The following ALOX5 variants were observed in gnomAD, a reference collection of about 807,000 sequenced individuals.
ALOX5 encodes polyunsaturated fatty acid 5-lipoxygenase.
In ALOX5, 64 loss-of-function variants were observed where a neutral mutation model predicts 87.9. That is an observed-to-expected ratio of 0.73 (90% CI 0.60 to 0.90). The LOEUF (loss-of-function observed/expected upper bound fraction) is 0.90, where lower values mean the gene tolerates loss of function less well. ALOX5 is among the 40% of genes least tolerant of loss of function. ALOX5 has a pLI of 0.00. For missense variants in ALOX5, 822 were observed against 907.5 expected, an observed-to-expected ratio of 0.91 and a Z score of 1.21; for synonymous variants, 388 against 355.1, an observed-to-expected ratio of 1.09 and a Z score of -1.04.
intron 3 of ALOX5, among the ~76,000 whole-genome samples, chr10:45,397,599 T>C (rs977658025): frequency 6.6e-6 from 1 of 152,102 alleles, no homozygotes; most frequent in African/African-American, 2.4e-5. Flanking sequence ...TGATCTTATA[T>C]ATAGAAAATC....
intron 7 of ALOX5, among the ~76,000 whole-genome samples, chr10:45,434,517 T>C (rs12783037): frequency 0.049 from 7,458 of 152,302 alleles, 327 homozygotes; most frequent in African/African-American, 0.12. Context: ...TTGGTTCCCT[T>C]CCAGCTGACC....
chr10:45,388,761 T>C (rs553885069), intron 2 of ALOX5, among the ~76,000 whole-genome samples: 1 of 152,334 alleles, frequency 6.6e-6, no homozygotes, highest in Admixed American at 6.5e-5. Context: ...GCAGAAAAGC[T>C]GAACATTCTA....
chr10:45,424,108 T>C lies in ALOX5; in HGVS notation c.622T>C (p.Phe208Leu). ...GTCTTCTTGGAATGACTTCGCCGACTTTGAGAAAATCTTTGTCAAGATCAG... is the reference window on the plus strand; with the variant it reads ...GTCTTCTTGGAATGACTTCGCCGACCTTGAGAAAATCTTTGTCAAGATCAG... The part of the protein sequence containing the change: ...FQSSWNDFAD[F>L]EKIFVKISNT... The change falls in exon 5 of 14, where the codon TTT becomes CTT. Residue 208 changes from phenylalanine to leucine, a missense_variant. Transcript: ENST00000374391. The C allele has an allele frequency of 6.2e-7, 1 of 1,614,218 alleles. No individual in the cohort carries two copies. Among genetic ancestry groups the C allele is most frequent in the Non-Finnish European group, 8.5e-7 (1 of 1,180,026 alleles).
intron 8 of ALOX5, among the ~76,000 whole-genome samples, 155 bp downstream of exon 8, chr10:45,440,788 G>C (rs1487608040): frequency 6.6e-6 from 1 of 152,218 alleles, no homozygotes; most frequent in East Asian, 1.9e-4. Context: ...TGCCCCTAAA[G>C]GAAGAAAACA....
chr10:45,420,605 A>G (rs186044491), intron 4 of ALOX5, among the ~76,000 whole-genome samples: 1 of 152,358 alleles, frequency 6.6e-6, no homozygotes, highest in African/African-American at 2.4e-5. Context: ...GAAGTCACCG[A>G]GGAGGCCTTC....
chr10:45,382,997 G>C (rs997094890), intron 2 of ALOX5, among the ~76,000 whole-genome samples: 1 of 152,234 alleles, frequency 6.6e-6, no homozygotes, highest in African/African-American at 2.4e-5. Flanking sequence ...GATACCTATG[G>C]GACATGCCCC....
At chr10:45,438,872 C>T (rs1324419977) in intron 7 of ALOX5, among the ~76,000 whole-genome samples, 1 of 152,212 alleles carries the variant, frequency 6.6e-6, no homozygotes, top group East Asian at 1.9e-4. Context: ...TCACACTCTG[C>T]TCTCCCTCCT....
chr10:45,402,177 T>G (rs1296225532), intron 3 of ALOX5, among the ~76,000 whole-genome samples: 1 of 151,302 alleles, frequency 6.6e-6, no homozygotes, highest in African/African-American at 2.4e-5. Flanking sequence ...CTGAGCAATA[T>G]CTTCATTTTT....
intron 1 of ALOX5, among the ~76,000 whole-genome samples, chr10:45,377,901 T>C (rs1369418707): frequency 2.0e-5 from 3 of 152,150 alleles, no homozygotes; most frequent in African/African-American, 7.2e-5. Flanking sequence ...ACATATCCAA[T>C]AAAAAGTTAA....
chr10:45,375,238 C>T (rs1010535618), intron 1 of ALOX5, among the ~76,000 whole-genome samples: 2 of 152,158 alleles, frequency 1.3e-5, no homozygotes, highest in African/African-American at 4.8e-5. Flanking sequence ...GGTGTGAGGA[C>T]GCGAGGGAGC....
At position 45,395,345 on chromosome 10, in the gene ALOX5, C is replaced by T. The variant is rs1014755035; in HGVS notation, c.350-510C>T. On this transcript the variant is annotated intron_variant, in intron 2 of 13. Transcript: ENST00000374391. ...GCTGGAAATCACCCTTCTCAGCAAA[C>T]TATCGCAAGGACAAAAAAACAAACA... Among the ~76,000 whole-genome samples, 5 of 152,102 alleles carry T rather than the reference C, an allele frequency of 3.3e-5. No homozygotes were observed. In the South Asian group the frequency reaches 1.0e-3, roughly 32 times the overall value.
intron 2 of ALOX5, among the ~76,000 whole-genome samples, chr10:45,393,989 A>G (rs578065417): frequency 5.2e-5 from 8 of 152,396 alleles, no homozygotes; most frequent in Middle Eastern, 3.4e-3. Flanking sequence ...TCCCATGCTC[A>G]TGGATAGGAA....
chr10:45,405,058 T>C (rs1350484948), intron 3 of ALOX5, among the ~76,000 whole-genome samples: 1 of 152,256 alleles, frequency 6.6e-6, no homozygotes. Flanking sequence ...CCCTATTCAC[T>C]GACGTTCAGT....
At chr10:45,376,191 C>T (rs1363981250) in intron 1 of ALOX5, among the ~76,000 whole-genome samples, 1 of 105,578 alleles carries the variant, frequency 9.5e-6, no homozygotes, top group Non-Finnish European at 2.1e-5. Flanking sequence ...CTCCCTCTCT[C>T]GGTCTGTCTT....
At position 45,409,275 on chromosome 10, in the gene ALOX5, T is replaced by C. The variant is rs369973874; in HGVS notation, c.432-2916T>C. ...AGCATCAAAGTCACTCGGAGCCTGC[T>C]CTGGTTTAGGGGCTGCCCTATTCTT... On this transcript the variant is annotated intron_variant, in intron 3 of 13. Coordinates refer to ENST00000374391, the MANE Select transcript of ALOX5 (RefSeq NM_000698.5). Among the ~76,000 whole-genome samples, 13 of 152,320 alleles carry C rather than the reference T, an allele frequency of 8.5e-5. 2 individuals carry two copies. The highest frequency in any genetic ancestry group is 2.6e-4 in the Admixed American group (4 of 15,304).
chr10:45,429,436 C>G (rs74130824), intron 7 of ALOX5, among the ~76,000 whole-genome samples: 1 of 152,146 alleles, frequency 6.6e-6, no homozygotes, highest in African/African-American at 2.4e-5. Context: ...ACCTTGGGAG[C>G]TGTGGACACA....
chr10:45,427,916 C>T (rs573090531), intron 6 of ALOX5, among the ~76,000 whole-genome samples: 3 of 152,182 alleles, frequency 2.0e-5, no homozygotes, highest in Non-Finnish European at 2.9e-5. Flanking sequence ...ACACCAATGA[C>T]CCGCCGTGTC....
chr10:45,414,888 C>A (rs1841216507), intron 4 of ALOX5, among the ~76,000 whole-genome samples: 1 of 152,204 alleles, frequency 6.6e-6, no homozygotes, highest in Non-Finnish European at 1.5e-5. Flanking sequence ...CAATGAGATA[C>A]CATCTTACAC....
intron 8 of ALOX5, among the ~76,000 whole-genome samples, 186 bp downstream of exon 8, chr10:45,440,819 CAG>C (rs1469920449): frequency 6.6e-6 from 1 of 152,198 alleles, no homozygotes; most frequent in East Asian, 1.9e-4. Context: ...TGCTGTTCCC[CAG>C]GACACGCGGC....
Sources: allele counts gnomAD v4.1 joint callset (sites outside exome capture counted in the v4.1 genomes callset), GRCh38; gene constraint gnomAD v4.1.1; transcripts MANE v1.5; gene names NCBI Gene and HGNC (gene_info 2026-07-23, HGNC 2026-07-21).